SH3D19: variants seen among roughly 807,000 people sequenced by gnomAD.
SH3D19 encodes SH3 domain-containing protein 19.
In SH3D19, 58 loss-of-function variants were observed where a neutral mutation model predicts 112.1. The ratio of observed to expected loss-of-function variants is 0.52; its 90% CI spans 0.42 to 0.64. The LOEUF is 0.64. Among genes scored for constraint, SH3D19 ranks in the 30% least tolerant of loss-of-function variants. The pLI is 0.00. For missense variants in SH3D19, 1,090 were observed against 1,263.4 expected (o/e 0.86, Z 2.08); for synonymous variants, 391 against 448.5 (o/e 0.87, Z 1.62).
chr4:151,158,489 G>A (rs1184292479), intron 9 of SH3D19, among the ~76,000 whole-genome samples: 1 of 151,848 alleles, frequency 6.6e-6, no homozygotes, highest in African/African-American at 2.4e-5. Context: ...TAGTAGAAAC[G>A]AGGTTTCACC....
In SH3D19 at chr4:151,254,054, T is replaced by C. The variant is rs553126321; in HGVS notation, c.113-27968A>G. ...CAGCTTTGTTATTGCACAGTATAAT[T>C]AGTTAAGCCATTTAACCTCCAAGGG... is the stretch of plus-strand genomic sequence containing the variant. On this transcript the variant is annotated intron_variant, in intron 1 of 19. Transcript: ENST00000604030. 2.6e-5 allele frequency among the ~76,000 whole-genome samples: 4 copies of C among 152,310 alleles called. No homozygotes were observed. The South Asian group carries it at 8.3e-4, about 32-fold the overall frequency.
chr4:151,149,827 A>G (rs1024674105), intron 9 of SH3D19, among the ~76,000 whole-genome samples: 1 of 152,174 alleles, frequency 6.6e-6, no homozygotes, highest in South Asian at 2.1e-4. Flanking sequence ...CTGCATGGTC[A>G]TGCACTCAGT....
intron 1 of SH3D19, among the ~76,000 whole-genome samples, chr4:151,302,698 T>C (rs985032937): frequency 6.6e-6 from 1 of 152,184 alleles, no homozygotes; most frequent in East Asian, 1.9e-4. Flanking sequence ...TTTCATACTG[T>C]CAATGAAGAA....
intron 9 of SH3D19, among the ~76,000 whole-genome samples, chr4:151,149,948 G>A (rs1309947907): frequency 6.6e-6 from 1 of 151,818 alleles, no homozygotes; most frequent in African/African-American, 2.4e-5. Flanking sequence ...CACTTTGGGA[G>A]GCTGAGGCGG....
intron 1 of SH3D19, among the ~76,000 whole-genome samples, chr4:151,244,960 C>A (rs771382059): frequency 6.6e-6 from 1 of 151,906 alleles, no homozygotes; most frequent in African/African-American, 2.4e-5. Context: ...CTGGCTAACA[C>A]GGTGAAATCT....
intron 7 of SH3D19, chr4:151,170,733 A>G (rs1758901367): frequency 6.6e-6 from 1 of 152,188 alleles, no homozygotes; most frequent in Non-Finnish European, 1.5e-5. Flanking sequence ...GCTTATGTTC[A>G]GCTCTTTTAA....
intron 17 of SH3D19, 79 bp from the exon 18 acceptor site, chr4:151,128,435 G>A: frequency 2.4e-6 from 3 of 1,271,730 alleles, no homozygotes; most frequent in Non-Finnish European, 3.2e-6. Context: ...AAAAGTAGTG[G>A]GGAAAAAAAA....
At chr4:151,276,444 T>C (rs1773631547) in intron 1 of SH3D19, among the ~76,000 whole-genome samples, 2 of 152,074 alleles carry the variant, frequency 1.3e-5, no homozygotes, top group African/African-American at 2.4e-5. Context: ...TCACCCAAGG[T>C]AATGCCCCCT....
At chr4:151,152,326 A>G (rs551584910) in intron 9 of SH3D19, among the ~76,000 whole-genome samples, 61 of 152,150 alleles carry the variant, frequency 4.0e-4, no homozygotes, top group Non-Finnish European at 6.5e-4. Flanking sequence ...TTGCTTTTTG[A>G]CAGTTTTTCT....
intron 1 of SH3D19, among the ~76,000 whole-genome samples, chr4:151,297,211 A>G (rs888594319): frequency 1.3e-5 from 2 of 152,262 alleles, no homozygotes; most frequent in African/African-American, 4.8e-5. Context: ...AAAGATAGAA[A>G]TCTTTAATGG....
At position 151,232,297 on chromosome 4, in the gene SH3D19, C is replaced by T. The variant is rs570588786; in HGVS notation, c.113-6211G>A. ...GTTCTTATCAGCAATTGTCTGGACT[C>T]TTATGTCCTGACTGGATTTTCTGGC... On this transcript the variant is annotated intron_variant, in intron 1 of 19. Transcript: ENST00000604030. 2.0e-3 allele frequency among the ~76,000 whole-genome samples: 298 copies of T among 152,328 alleles called. 2 individuals carry two copies. The highest frequency in any genetic ancestry group is 3.7e-3 in the Non-Finnish European group (254 of 68,032).
intron 1 of SH3D19, among the ~76,000 whole-genome samples, chr4:151,298,483 C>T (rs55905531): frequency 0.36 from 54,387 of 152,014 alleles, 10,815 homozygotes; most frequent in Non-Finnish European, 0.46. Flanking sequence ...GCCAAATTCA[C>T]GTTGTTTTAA....
chr4:151,209,473 T>G (rs2149902737), intron 2 of SH3D19, among the ~76,000 whole-genome samples: 1 of 152,138 alleles, frequency 6.6e-6, no homozygotes, highest in Non-Finnish European at 1.5e-5. Context: ...AGACATGGGG[T>G]TTCACCATGT....
At chr4:151,273,121 GC>G (rs1773338150) in intron 1 of SH3D19, among the ~76,000 whole-genome samples, 1 of 152,112 alleles carries the variant, frequency 6.6e-6, no homozygotes, top group South Asian at 2.1e-4. Context: ...AAGTACTGGT[GC>G]CTTAGTTACA....
intron 1 of SH3D19, among the ~76,000 whole-genome samples, chr4:151,238,703 T>G (rs1356871566): frequency 6.6e-6 from 1 of 152,056 alleles, no homozygotes; most frequent in African/African-American, 2.4e-5. Context: ...ACTGAGATTT[T>G]TATCCACAGT....
chr4:151,291,193 G>C (rs755186155), intron 1 of SH3D19: 2 of 1,613,600 alleles, frequency 1.2e-6, no homozygotes, highest in Non-Finnish European at 1.7e-6. Context: ...CTGGGGATTA[G>C]AATGTGGTAA....
chr4:151,266,381 A>G (rs1432807863), intron 1 of SH3D19: 1 of 152,218 alleles, frequency 6.6e-6, no homozygotes, highest in African/African-American at 2.4e-5. Context: ...GTGGTCTTTC[A>G]GTTTTTGTAA....
At chr4:151,129,691 C>T (rs1750203740) in intron 17 of SH3D19, among the ~76,000 whole-genome samples, 1 of 152,124 alleles carries the variant, frequency 6.6e-6, no homozygotes, top group Non-Finnish European at 1.5e-5. Context: ...TTTGGAGCTA[C>T]ACAGGCAAGG....
At position 151,195,665 on chromosome 4, in the gene SH3D19, A is replaced by G. The variant is rs188108449; in HGVS notation, c.153-8202T>C. Among the ~76,000 whole-genome samples the G allele has an allele frequency of 1.2e-3, 187 of 151,952 alleles. 2 individuals carry two copies. The highest frequency in any genetic ancestry group is 4.2e-3 in the Admixed American group (64 of 15,272). ...GGTGTTTTTACATATTAGTTCCTCT[A>G]TTAGAATATAATCTCCTTCTCAGGC... On this transcript the variant is annotated intron_variant, in intron 2 of 19. Transcript: ENST00000604030.
Sources: gnomAD v4.1 joint callset for allele counts (sites outside exome capture counted in the v4.1 genomes callset) on GRCh38, gnomAD v4.1.1 for gene constraint, MANE v1.5 for transcripts, NCBI Gene and HGNC (gene_info 2026-07-23, HGNC 2026-07-21) for gene names.